Variants in NOVA1 observed in about 807,000 individuals in gnomAD.
The protein encoded by NOVA1 is NOVA alternative splicing regulator 1.
Under a neutral mutation model 38.0 loss-of-function variants are expected in NOVA1, and 7 were observed. The ratio of observed to expected loss-of-function variants is 0.18; its 90% confidence interval spans 0.10 to 0.35. The LOEUF is 0.35. NOVA1 is among the 10% of genes least tolerant of loss of function. NOVA1 has a pLI of 1.00. For synonymous variants in NOVA1, 270 were observed against 232.5 expected (o/e 1.16, Z -1.47); for missense variants, 460 against 616.0 (o/e 0.75, Z 2.68).
At chr14:26,562,063 G>GT (rs1279723887) in intron 2 of NOVA1, among the ~76,000 whole-genome samples, 2 of 152,072 alleles carry the variant, frequency 1.3e-5, no homozygotes, top group African/African-American at 4.8e-5. Context: ...AAGCTGCTAG[G>GT]TTTTTGTTTT....
intron 4 of NOVA1, among the ~76,000 whole-genome samples, chr14:26,461,764 A>G (rs1400145509): frequency 1.3e-5 from 1 of 74,178 alleles, no homozygotes; most frequent in Non-Finnish European, 3.1e-5. Flanking sequence ...GCCCATCTTT[A>G]CTAAAAAAAA....
At chr14:26,526,855 T>G (rs911471597) in intron 2 of NOVA1, among the ~76,000 whole-genome samples, 2 of 152,160 alleles carry the variant, frequency 1.3e-5, no homozygotes, top group Non-Finnish European at 2.9e-5. Flanking sequence ...AAACCAGTGA[T>G]GTGTATGTTA....
chr14:26,456,188 C>T (rs553510870), intron 4 of NOVA1, among the ~76,000 whole-genome samples: 1 of 151,738 alleles, frequency 6.6e-6, no homozygotes, highest in Non-Finnish European at 1.5e-5. Context: ...GTAAATTAAA[C>T]ATTAAAATTA....
rs1882225818 is a variant in NOVA1 at position 26,447,995 on chromosome 14, T to C, written c.1488A>G (p.Gln496=). 1.2e-6 allele frequency: 2 copies of C among 1,614,068 alleles called. No homozygotes were observed. Among genetic ancestry groups the C allele is most frequent in the Non-Finnish European group, 1.7e-6 (2 of 1,180,038 alleles). ...YLITQRITYE[Q]GVRAANPQKV... ...TCTGAGGATTGGCAGCCCGAACTCCTTGCTCATATGTGATCCTTTGTGTAA... is the reference window on the plus strand; with the variant it reads ...TCTGAGGATTGGCAGCCCGAACTCCCTGCTCATATGTGATCCTTTGTGTAA... Residue 496 remains glutamine, a synonymous_variant, in exon 5 of 5, where the codon CAA becomes CAG. Transcript: ENST00000539517.
At chr14:26,459,550 G>T (rs1002256080) in intron 4 of NOVA1, among the ~76,000 whole-genome samples, 3 of 152,028 alleles carry the variant, frequency 2.0e-5, no homozygotes, top group Admixed American at 6.6e-5. Flanking sequence ...TGTAAATAGT[G>T]AGTTGATAAA....
At position 26,448,629 on chromosome 14, in the gene NOVA1, G is replaced by A; in HGVS notation, c.854C>T (p.Ala285Val). ...GTTAGCATGTCCTAATAGCCCTGCA[G>A]CTGCTGCAGCAGTTGGTAACACTTC... ...TAEVLPTAAA[A>V]AGLLGHANLA... The change falls in exon 5 of 5, where the codon GCT becomes GTT. Residue 285 changes from alanine (A) to valine (V), a missense_variant. Ala to Val is a moderately conservative substitution (Grantham distance 64, BLOSUM62 0). Coordinates refer to ENST00000539517, the MANE Select transcript of NOVA1 (RefSeq NM_002515.3). This position sits in a 1 kb window ranked among gnomAD's most constrained non-coding sequence, Gnocchi z 5.3. 1 of 1,614,254 alleles carries A rather than the reference G, an allele frequency of 6.2e-7. No individual in the cohort carries two copies. Among genetic ancestry groups the A allele is most frequent in the Non-Finnish European group, 8.5e-7 (1 of 1,180,042 alleles).
chr14:26,542,009 A>C lies in NOVA1; in HGVS notation c.280+53401T>G, dbSNP rs78283344. ...TAAAGGTCAGAATATCCATTCACTA[A>C]GATTCCTAAGCCAATAAGTGCTAAC... On this transcript the variant is annotated intron_variant, in intron 2 of 4. Coordinates refer to ENST00000539517, the MANE Select transcript of NOVA1 (RefSeq NM_002515.3). Among the ~76,000 whole-genome samples the C allele has an allele frequency of 7.2e-4, 110 of 152,060 alleles. 1 individual carries two copies. The East Asian group carries it at 0.018, about 25-fold the overall frequency.
intron 2 of NOVA1, among the ~76,000 whole-genome samples, chr14:26,496,490 T>G (rs28831756): frequency 0.29 from 44,359 of 151,658 alleles, 7,057 homozygotes; most frequent in African/African-American, 0.41. Context: ...AGAAGCTCTT[T>G]AGTTTAATTA....
intron 2 of NOVA1, among the ~76,000 whole-genome samples, chr14:26,566,234 T>C (rs191596450): frequency 1.3e-5 from 2 of 152,188 alleles, no homozygotes; most frequent in African/African-American, 2.4e-5. Flanking sequence ...GGAAATGTCA[T>C]ACTTATTTAA....
chr14:26,473,262 A>T (rs1026789263), intron 3 of NOVA1, among the ~76,000 whole-genome samples: 12 of 151,884 alleles, frequency 7.9e-5, no homozygotes, highest in African/African-American at 9.7e-5. Context: ...TAAGATTTTT[A>T]AAAAAGTTCT....
intron 2 of NOVA1, chr14:26,588,341 A>C (rs563071698): frequency 8.6e-5 from 13 of 151,638 alleles, no homozygotes; most frequent in African/African-American, 3.1e-4. Context: ...TAACCTATTG[A>C]ATAAAATTCA....
intron 2 of NOVA1, among the ~76,000 whole-genome samples, chr14:26,499,325 T>C (rs1887078719): frequency 6.6e-6 from 1 of 152,020 alleles, no homozygotes. Flanking sequence ...TTTATTTAAA[T>C]AAACACAAAT....
intron 2 of NOVA1, among the ~76,000 whole-genome samples, chr14:26,540,001 T>C (rs910220444): frequency 6.6e-6 from 1 of 152,188 alleles, no homozygotes; most frequent in Non-Finnish European, 1.5e-5. Flanking sequence ...GAATAGTAGT[T>C]GGGTTTAAGT....
chr14:26,474,428 T>C (rs543623753), intron 3 of NOVA1, among the ~76,000 whole-genome samples: 1 of 152,070 alleles, frequency 6.6e-6, no homozygotes, highest in African/African-American at 2.4e-5. Flanking sequence ...TAATTAAAAT[T>C]AAAATTTAAT....
chr14:26,582,176 T>C (rs1893267113), intron 2 of NOVA1, among the ~76,000 whole-genome samples: 1 of 151,804 alleles, frequency 6.6e-6, no homozygotes, highest in Non-Finnish European at 1.5e-5. Context: ...AGTTGAAACA[T>C]TTCCCAAACC....
At chr14:26,498,216 C>G (rs530519426) in intron 2 of NOVA1, among the ~76,000 whole-genome samples, 1 of 151,482 alleles carries the variant, frequency 6.6e-6, no homozygotes, top group Admixed American at 6.6e-5. Context: ...CCCGCCACCA[C>G]GCCCAGTTAA....
At chr14:26,459,130 G>T (rs1228221312) in intron 4 of NOVA1, among the ~76,000 whole-genome samples, 2 of 152,016 alleles carry the variant, frequency 1.3e-5, no homozygotes, top group Non-Finnish European at 2.9e-5. Flanking sequence ...CCAGCTCTGG[G>T]TGAATGAACA....
chr14:26,595,046 C>T (rs1396937305), intron 2 of NOVA1, among the ~76,000 whole-genome samples: 1 of 152,100 alleles, frequency 6.6e-6, no homozygotes, highest in Admixed American at 6.5e-5. Context: ...TCTGAATTCA[C>T]TCTAAGCTAA....
chr14:26,499,578 T>C (rs1887098651), intron 2 of NOVA1, among the ~76,000 whole-genome samples: 3 of 152,050 alleles, frequency 2.0e-5, no homozygotes, highest in Non-Finnish European at 1.5e-5. Flanking sequence ...CTGTAAAAAA[T>C]TTTACAAGGA....
Sources: gnomAD v4.1 joint callset for allele counts (sites outside exome capture counted in the v4.1 genomes callset) on GRCh38, gnomAD v4.1.1 for gene constraint, Gnocchi (gnomAD v3.1) non-coding constraint, MANE v1.5 for transcripts, NCBI Gene and HGNC (gene_info 2026-07-23, HGNC 2026-07-21) for gene names.